EMSY: variants seen among roughly 807,000 people sequenced by gnomAD.
The protein encoded by EMSY is BRCA2-interacting transcriptional repressor EMSY.
A neutral mutation model predicts 134.6 loss-of-function variants in EMSY; 26 were observed. The ratio of observed to expected loss-of-function variants is 0.19; its 90% CI spans 0.14 to 0.27. EMSY has a LOEUF of 0.27. Ranked by LOEUF, EMSY falls within the 10% of genes least tolerant of loss-of-function variation. The pLI, the probability that EMSY is intolerant of heterozygous loss-of-function variation, is 1.00. For synonymous variants in EMSY, 579 were observed against 577.8 expected (o/e 1.00, Z -0.03); for missense variants, 1,305 against 1,611.4 (o/e 0.81, Z 3.26).
chr11:76,463,540 G>T (rs1031505403), intron 6 of EMSY, among the ~76,000 whole-genome samples: 1 of 151,522 alleles, frequency 6.6e-6, no homozygotes, highest in African/African-American at 2.4e-5. Context: ...GGAGAATGGC[G>T]TGAACCCGGG....
chr11:76,445,056 A>T (rs1947320881), exon 1 of EMSY: 1 of 152,944 alleles, frequency 6.5e-6, no homozygotes, highest in Non-Finnish European at 1.5e-5. Context: ...AGGCACCGCA[A>T]ACAAACCCAA....
At chr11:76,467,985 A>AC (rs1489121088) in intron 7 of EMSY, among the ~76,000 whole-genome samples, 15 of 151,572 alleles carry the variant, frequency 9.9e-5, no homozygotes, top group African/African-American at 3.6e-4. Context: ...ATCTCAAAAA[A>AC]AAAAAACAAA....
At position 76,496,510 on chromosome 11, in the gene EMSY, A is replaced by G. The variant is rs889750550; in HGVS notation, c.1363+41A>G. Reference sequence around the variant, plus strand: ...TTATAAGATATGGTAATTCTTCTTTATTCACCAGTTTTTTTAGTCTTCCAG... The same window carrying G: ...TTATAAGATATGGTAATTCTTCTTTGTTCACCAGTTTTTTTAGTCTTCCAG... On this transcript the variant is annotated intron_variant, in intron 9 of 20. Transcript: ENST00000334736. 4 of 1,604,728 alleles carry G rather than the reference A, an allele frequency of 2.5e-6. No homozygotes were observed. The African/African-American group carries it at 5.3e-5, about 21-fold the overall frequency.
intron 14 of EMSY, among the ~76,000 whole-genome samples, chr11:76,530,155 GTTTTT>G (rs61227279): frequency 2.6e-5 from 3 of 114,348 alleles, no homozygotes; most frequent in African/African-American, 3.5e-5. Flanking sequence ...AATCTTTAGG[GTTTTT>G]TTTTTTTTTT....
intron 10 of EMSY, 29 bp downstream of exon 11, chr11:76,513,564 A>G (rs1950349280): frequency 6.2e-7 from 1 of 1,608,414 alleles, no homozygotes; most frequent in Admixed American, 1.7e-5. Flanking sequence ...CAGTTCATTT[A>G]TTCATCATAC....
intron 9 of EMSY, among the ~76,000 whole-genome samples, chr11:76,499,371 T>C (rs1949771472): frequency 7.7e-6 from 1 of 129,134 alleles, no homozygotes; most frequent in African/African-American, 3.0e-5. Flanking sequence ...CACTGCAAGC[T>C]CCACCTTCTG....
chr11:76,503,551 A>G (rs562774177), intron 9 of EMSY, among the ~76,000 whole-genome samples: 1 of 152,274 alleles, frequency 6.6e-6, no homozygotes, highest in East Asian at 1.9e-4. Context: ...GGACAAATGA[A>G]TAGATATGTG....
At chr11:76,543,459 G>A (rs984936716) in intron 18 of EMSY, among the ~76,000 whole-genome samples, 1 of 152,178 alleles carries the variant, frequency 6.6e-6, no homozygotes, top group Non-Finnish European at 1.5e-5. Context: ...TGGGCGGCAG[G>A]TCTCAGCCTG....
At chr11:76,472,218 G>A (rs1185754158) in intron 7 of EMSY, among the ~76,000 whole-genome samples, 1 of 152,122 alleles carries the variant, frequency 6.6e-6, no homozygotes, top group African/African-American at 2.4e-5. Context: ...CACATAGTAG[G>A]TGCTCAATAA....
intron 7 of EMSY, among the ~76,000 whole-genome samples, chr11:76,464,957 C>G (rs910353049): frequency 6.6e-6 from 1 of 152,124 alleles, no homozygotes. Flanking sequence ...TTTGGGAAGT[C>G]CAGTACCATT....
chr11:76,449,348 G>C (rs1032498125), intron 2 of EMSY, among the ~76,000 whole-genome samples: 1 of 152,270 alleles, frequency 6.6e-6, no homozygotes, highest in African/African-American at 2.4e-5. Flanking sequence ...TATAGCTGTG[G>C]TAACTGTGTT....
At position 76,523,704 on chromosome 11, in the gene EMSY, C is replaced by CTTTTTT. The variant is rs746491659; in HGVS notation, c.1821+429_1821+434dup. ...TTAATTGATGGGGATTTGTTACTTTCTTTTTTTTTTTTTTTTTTTTTCATT... is the reference window on the plus strand; with the variant it reads ...TTAATTGATGGGGATTTGTTACTTTCTTTTTTTTTTTTTTTTTTTTTTTTTTTCATT... On this transcript the variant is annotated intron_variant, in intron 12 of 20. Transcript: ENST00000334736. Among the ~76,000 whole-genome samples, 740 of 80,374 alleles carry CTTTTTT rather than the reference C, an allele frequency of 9.2e-3. 18 individuals carry two copies. The highest frequency in any genetic ancestry group is 0.029 in the East Asian group (75 of 2,626). The allele number at this position is 80,374 out of a possible 152,430, so 52.7% of individuals were successfully genotyped here.
At chr11:76,447,537 A>G (rs982156393) in intron 2 of EMSY, among the ~76,000 whole-genome samples, 7 of 152,206 alleles carry the variant, frequency 4.6e-5, no homozygotes, top group Admixed American at 2.6e-4. Context: ...TTTTCAAATT[A>G]TATTTTACTA....
intron 9 of EMSY, among the ~76,000 whole-genome samples, chr11:76,512,190 T>A (rs1950301239): frequency 6.6e-6 from 1 of 152,148 alleles, no homozygotes; most frequent in Admixed American, 6.5e-5. Context: ...ACCAAAAATT[T>A]CCTTCCTTAG....
chr11:76,532,606 A>AT (rs980449974), intron 14 of EMSY, among the ~76,000 whole-genome samples: 2 of 151,902 alleles, frequency 1.3e-5, no homozygotes, highest in African/African-American at 2.4e-5. Context: ...TGGGTTCCAG[A>AT]TTTTTTTTAA....
chr11:76,483,791 A>G (rs998453111), intron 8 of EMSY, among the ~76,000 whole-genome samples: 2 of 152,190 alleles, frequency 1.3e-5, no homozygotes, highest in Non-Finnish European at 2.9e-5. Context: ...CTCCCACACA[A>G]TAATAGTGGG....
At chr11:76,523,238 A>T in exon 12 of EMSY, 1 of 1,613,932 alleles carries the variant, frequency 6.2e-7, no homozygotes, top group South Asian at 1.1e-5. Context: ...AAAAGGAACG[A>T]CCATTCAAGG....
chr11:76,498,650 C>T (rs900102204), intron 9 of EMSY, among the ~76,000 whole-genome samples: 4 of 151,798 alleles, frequency 2.6e-5, no homozygotes, highest in African/African-American at 9.7e-5. Flanking sequence ...AATTTCCATT[C>T]TTAAAATTTA....
At chr11:76,517,057 A>T (rs1362917574) in intron 11 of EMSY, among the ~76,000 whole-genome samples, 1 of 152,192 alleles carries the variant, frequency 6.6e-6, no homozygotes, top group Non-Finnish European at 1.5e-5. Flanking sequence ...AATGATGTAA[A>T]TAATCCCAGA....
Sources: allele counts gnomAD v4.1 joint callset (sites outside exome capture counted in the v4.1 genomes callset), GRCh38; gene constraint gnomAD v4.1.1; transcripts MANE v1.5; gene names NCBI Gene and HGNC (gene_info 2026-07-23, HGNC 2026-07-21).